Variants in ZDHHC15 observed in about 807,000 individuals in gnomAD.
ZDHHC15 encodes zDHHC palmitoyltransferase 15.
Under a neutral mutation model 31.7 loss-of-function variants are expected in ZDHHC15, and 19 were observed. That is an observed-to-expected ratio of 0.60 (90% CI 0.42 to 0.88). The LOEUF (loss-of-function observed/expected upper bound fraction) is 0.88, where lower values mean the gene tolerates loss of function less well. ZDHHC15 is among the 40% of genes least tolerant of loss of function. ZDHHC15 has a pLI of 0.00. For missense variants in ZDHHC15, 209 were observed against 251.2 expected, an observed-to-expected ratio of 0.83 and a Z score of 1.14; for synonymous variants, 103 against 90.0, an observed-to-expected ratio of 1.14 and a Z score of -0.82.
chrX:75,435,650 C>T (rs1475036459), intron 4 of ZDHHC15, among the ~76,000 whole-genome samples: 2 of 112,161 alleles, frequency 1.8e-5, no homozygotes, highest in Non-Finnish European at 3.8e-5. Flanking sequence ...CATTTATTGA[C>T]TTGCCTGTGT....
intron 10 of ZDHHC15, among the ~76,000 whole-genome samples, chrX:75,414,671 C>T (rs1159008486): frequency 9.6e-6 from 1 of 104,113 alleles, no homozygotes; most frequent in East Asian, 3.0e-4. Context: ...ATCTCCTGAC[C>T]TCGTGATCTG....
chrX:75,501,610 C>T (rs932539070), intron 2 of ZDHHC15: 4 of 111,322 alleles, frequency 3.6e-5, no homozygotes, highest in Non-Finnish European at 7.5e-5. Flanking sequence ...ACAATCTCAC[C>T]AGCATCTATT....
At chrX:75,382,336 A>G (rs768971675) in intron 10 of ZDHHC15, among the ~76,000 whole-genome samples, 1 of 112,585 alleles carries the variant, frequency 8.9e-6, no homozygotes, top group Non-Finnish European at 1.9e-5. Flanking sequence ...AAGGAATAAA[A>G]TGAACATCCA....
At position 75,508,392 on chromosome X, in the gene ZDHHC15, A is replaced by G. The variant is rs377689408; in HGVS notation, c.137-2545T>C. Among the ~76,000 whole-genome samples, 58 of 98,790 alleles carry G rather than the reference A, an allele frequency of 5.9e-4. 3 individuals are homozygous for G. The East Asian group carries it at 7.8e-3, about 13-fold the overall frequency. 85.8% of individuals were successfully genotyped at this position (98,790 alleles called of 115,157 possible). On this transcript the variant is annotated intron_variant, in intron 1 of 11. Transcript: ENST00000373367. ...TTCCCACCTATGAGTGAGAACATGC[A>G]GTGTTTGGTTTTTTTTGTCCTTGCG...
At chrX:75,387,689 A>AT (rs1323776007) in intron 10 of ZDHHC15, among the ~76,000 whole-genome samples, 1 of 111,979 alleles carries the variant, frequency 8.9e-6, no homozygotes, top group African/African-American at 3.2e-5. Context: ...AAACGTAAGA[A>AT]TTATTTGTGT....
Position 75,422,043 on chromosome X carries a change from A to G in ZDHHC15, c.737-53T>C, listed in dbSNP as rs1018687431. On this transcript the variant is annotated intron_variant, in intron 8 of 11. Transcript: ENST00000373367. The stretch of plus-strand genomic sequence containing the variant: ...AAGAGGAAGAAAGCAATAAAGAAAC[A>G]AATTTCAGCATAGTCATGATTTTAC... 41 of 1,148,496 alleles carry G rather than the reference A, an allele frequency of 3.6e-5. No homozygotes were observed. In the African/African-American group the frequency reaches 6.9e-4, roughly 19 times the overall value. The allele number at this position is 1,148,496 out of a possible 1,213,427, so 94.6% of individuals were successfully genotyped here.
chrX:75,401,971 A>T (rs138350361), intron 10 of ZDHHC15, among the ~76,000 whole-genome samples: 131 of 112,721 alleles, frequency 1.2e-3, no homozygotes, highest in African/African-American at 3.8e-3. Context: ...ATACTCTAAA[A>T]TCAGCCACAT....
chrX:75,370,835 T>C lies in ZDHHC15; in HGVS notation c.*2143A>G. On this transcript the variant is annotated 3_prime_UTR_variant, in exon 12 of 12. Coordinates refer to ENST00000373367, the MANE Select transcript of ZDHHC15 (RefSeq NM_144969.3). Reference sequence around the variant, plus strand: ...GTGTGAGCCACTGCGCCCAGCCTTATTTGGCCTTTTAAAGACAGTGTAAAT... The same window carrying C: ...GTGTGAGCCACTGCGCCCAGCCTTACTTGGCCTTTTAAAGACAGTGTAAAT... 8.9e-6 allele frequency: 1 copy of C among 111,940 alleles called. No individual in the cohort carries two copies. Among genetic ancestry groups the C allele is most frequent in the East Asian group, 2.8e-4 (1 of 3,558 alleles). The allele number at this position is 111,940 out of a possible 1,213,427, so 9.2% of individuals were successfully genotyped here. A position where few individuals can be genotyped will look rare whatever the true frequency, so the allele number is the denominator to read the frequency against.
intron 8 of ZDHHC15, among the ~76,000 whole-genome samples, chrX:75,424,322 C>A (rs1360988804): frequency 9.0e-6 from 1 of 111,112 alleles, no homozygotes; most frequent in African/African-American, 3.3e-5. Context: ...TGTACTGATT[C>A]TTTCTTTAAT....
At chrX:75,444,632 G>A (rs1158140850) in intron 4 of ZDHHC15, among the ~76,000 whole-genome samples, 2 of 37,103 alleles carry the variant, frequency 5.4e-5, no homozygotes, top group African/African-American at 2.4e-4. Context: ...AAAGAAAAAA[G>A]CAACACTGTA....
intron 1 of ZDHHC15, 81 bp downstream of exon 1, chrX:75,522,808 C>T: frequency 1.7e-6 from 2 of 1,151,710 alleles, no homozygotes; most frequent in Non-Finnish European, 2.4e-6. Context: ...CTTGAGAACA[C>T]AAGGGACACC....
chrX:75,383,864 G>A (rs749701287), intron 10 of ZDHHC15, among the ~76,000 whole-genome samples: 1 of 100,152 alleles, frequency 1.0e-5, no homozygotes, highest in Non-Finnish European at 2.0e-5. Flanking sequence ...TCACCCTCCC[G>A]AGTAGCTGGG....
chrX:75,429,890 C>A (rs1016887309), intron 6 of ZDHHC15, 58 bp downstream of exon 6: 4 of 1,111,795 alleles, frequency 3.6e-6, no homozygotes, highest in Non-Finnish European at 4.9e-6. Flanking sequence ...TAGAAAAGTG[C>A]ATATAATTGA....
intron 3 of ZDHHC15, among the ~76,000 whole-genome samples, chrX:75,461,741 A>G (rs1301552873): frequency 8.9e-6 from 1 of 112,125 alleles, no homozygotes; most frequent in Non-Finnish European, 1.9e-5. Context: ...GAGGGAATTA[A>G]TTGCCACCAG....
At chrX:75,400,341 A>G (rs955325138) in intron 10 of ZDHHC15, among the ~76,000 whole-genome samples, 4 of 112,047 alleles carry the variant, frequency 3.6e-5, no homozygotes, top group Non-Finnish European at 7.5e-5. Context: ...GCAATCACAA[A>G]TACTAACAGC....
intron 11 of ZDHHC15, among the ~76,000 whole-genome samples, chrX:75,373,524 C>CTTTAAAAAATT (rs1172719391): frequency 9.0e-6 from 1 of 110,922 alleles, no homozygotes; most frequent in African/African-American, 3.3e-5. Flanking sequence ...TCCATTGACC[C>CTTTAAAAAATT]TTTAAAAAAT....
intron 2 of ZDHHC15, chrX:75,501,515 C>T (rs1433308403): frequency 9.0e-6 from 1 of 111,393 alleles, no homozygotes; most frequent in African/African-American, 3.3e-5. Context: ...GTTTTTAGGT[C>T]TTTGAGGAAT....
At chrX:75,520,717 C>T (rs2085430368) in intron 1 of ZDHHC15, among the ~76,000 whole-genome samples, 1 of 110,721 alleles carries the variant, frequency 9.0e-6, no homozygotes, top group African/African-American at 3.3e-5. Flanking sequence ...ATTGCATAGT[C>T]TACTTAATGC....
chrX:75,377,049 C>A (rs936558969), intron 11 of ZDHHC15, among the ~76,000 whole-genome samples: 13 of 111,227 alleles, frequency 1.2e-4, no homozygotes, highest in African/African-American at 4.2e-4. Flanking sequence ...TTAATGCATT[C>A]TTCTACTGAT....
Sources: allele counts gnomAD v4.1 joint callset (sites outside exome capture counted in the v4.1 genomes callset), GRCh38; gene constraint gnomAD v4.1.1; transcripts MANE v1.5; gene names NCBI Gene and HGNC (gene_info 2026-07-23, HGNC 2026-07-21).